ANKRD17: variants seen among roughly 807,000 people sequenced by gnomAD.
The protein encoded by ANKRD17 is ankyrin repeat domain-containing protein 17.
Under a neutral mutation model 229.7 loss-of-function variants are expected in ANKRD17, and 19 were observed. That is an observed-to-expected ratio of 0.08 (90% CI 0.06 to 0.12). The LOEUF (loss-of-function observed/expected upper bound fraction) is 0.12. Among genes scored for constraint, ANKRD17 ranks in the 10% least tolerant of loss-of-function variants. The probability of loss-of-function intolerance (pLI) is 1.00; values close to 1 mark genes in which losing one functional copy is unlikely to be tolerated. For missense variants in ANKRD17, 2,176 were observed against 3,176.8 expected, an observed-to-expected ratio of 0.68 and a Z score of 7.57; for synonymous variants, 1,112 against 1,146.1, an observed-to-expected ratio of 0.97 and a Z score of 0.60.
Position 73,161,138 on chromosome 4 carries a change from G to T in ANKRD17, c.704+54C>A, listed in dbSNP as rs929320437. 3.8e-6 allele frequency: 6 copies of T among 1,588,574 alleles called. No homozygotes were observed. The African/African-American group carries it at 8.1e-5, about 21-fold the overall frequency. On this transcript the variant is annotated intron_variant, in intron 3 of 33. Coordinates refer to ENST00000358602, the MANE Select transcript of ANKRD17 (RefSeq NM_032217.5). ...AATGCTCAGTAAATGTTAGCTATTT[G>T]TTATTATTTTTAAGAAAATGATTTC...
chr4:73,125,870 A>G (rs906064048), intron 16 of ANKRD17, among the ~76,000 whole-genome samples: 1 of 152,212 alleles, frequency 6.6e-6, no homozygotes, highest in Non-Finnish European at 1.5e-5. Context: ...TGATTGAAAG[A>G]AATACTGTGG....
At chr4:73,147,496 T>A in intron 8 of ANKRD17, 64 bp from the exon 9 acceptor site, 1 of 1,271,454 alleles carries the variant, frequency 7.9e-7, no homozygotes, top group Non-Finnish European at 1.0e-6. Context: ...ATGAAAAACA[T>A]GATTGTTTCT....
chr4:73,137,255 G>C (rs1578159581), intron 15 of ANKRD17, among the ~76,000 whole-genome samples: 2 of 152,062 alleles, frequency 1.3e-5, no homozygotes, highest in Non-Finnish European at 2.9e-5. Context: ...CATCAGAAAA[G>C]TTTTAATGTC....
intron 1 of ANKRD17, among the ~76,000 whole-genome samples, chr4:73,191,971 A>G (rs779717821): frequency 1.8e-4 from 28 of 152,232 alleles, no homozygotes; most frequent in Non-Finnish European, 3.2e-4. Flanking sequence ...TAACCCATAT[A>G]TCCATCAATA....
At chr4:73,081,284 G>A (rs930126078) in intron 30 of ANKRD17, among the ~76,000 whole-genome samples, 1 of 152,184 alleles carries the variant, frequency 6.6e-6, no homozygotes, top group African/African-American at 2.4e-5. Context: ...TTATGAAGAA[G>A]TTTAGGTGTA....
intron 2 of ANKRD17, among the ~76,000 whole-genome samples, chr4:73,170,682 C>T (rs1027146765): frequency 6.6e-6 from 1 of 152,076 alleles, no homozygotes; most frequent in Non-Finnish European, 1.5e-5. Flanking sequence ...CAGCTTTCAT[C>T]ACAAGCTGAC....
intron 10 of ANKRD17, among the ~76,000 whole-genome samples, chr4:73,146,175 A>T (rs1056677134): frequency 1.2e-4 from 19 of 152,112 alleles, no homozygotes; most frequent in Admixed American, 1.2e-3. Context: ...CAACACTGCC[A>T]TATCTATCTT....
At chr4:73,142,212 C>T (rs1212248140) in intron 13 of ANKRD17, 30 bp downstream of exon 13, 3 of 1,514,306 alleles carry the variant, frequency 2.0e-6, no homozygotes, top group Non-Finnish European at 1.8e-6. Context: ...GAAGACATAC[C>T]ATAAAATGCT....
chr4:73,200,558 G>A lies in ANKRD17; in HGVS notation c.394-23025C>T, dbSNP rs190548789. Among the ~76,000 whole-genome samples the A allele has an allele frequency of 1.1e-3, 163 of 152,054 alleles. 2 individuals are homozygous for A. Among genetic ancestry groups the A allele is most frequent in the African/African-American group, 3.6e-3 (149 of 41,484 alleles). On this transcript the variant is annotated intron_variant, in intron 1 of 33. Transcript: ENST00000358602. ...CCAGGTGATACTAATACCAGGTGAA[G>A]GTTAAACCACTGCTTAAAAGATTAA...
At chr4:73,195,797 G>A (rs997330028) in intron 1 of ANKRD17, among the ~76,000 whole-genome samples, 8 of 152,070 alleles carry the variant, frequency 5.3e-5, no homozygotes, top group Admixed American at 4.6e-4. Flanking sequence ...ATGAGCCACC[G>A]TGCCCAGCCT....
At chr4:73,122,191 G>A (rs1016362269) in intron 18 of ANKRD17, among the ~76,000 whole-genome samples, 1 of 152,098 alleles carries the variant, frequency 6.6e-6, no homozygotes, top group African/African-American at 2.4e-5. Context: ...ATTTTCACAA[G>A]ATTATGAAAA....
intron 8 of ANKRD17, 53 bp from the exon 9 acceptor site, chr4:73,147,485 T>C: frequency 1.5e-6 from 2 of 1,320,876 alleles, no homozygotes; most frequent in Non-Finnish European, 1.0e-6. Context: ...ATTCCAGAGA[T>C]ATGAAAAACA....
At position 73,139,825 on chromosome 4, in the gene ANKRD17, G is replaced by T. The variant is rs1054818093; in HGVS notation, c.2791C>A (p.Gln931Lys). The T allele has an allele frequency of 1.2e-6, 2 of 1,614,228 alleles. No individual in the cohort carries two copies. The highest frequency in any genetic ancestry group is 1.7e-6 in the Non-Finnish European group (2 of 1,180,036). ...TCTTTAAGTAAAACAGGATCCACTT[G>T]CTGTAACCGTGCATAGTCTCCCTCA... ...LSEGDYARLQQVDPVLLKDEP... is the reference protein window; with the variant it reads ...LSEGDYARLQKVDPVLLKDEP... Residue 931 changes from glutamine (Q) to lysine (K), a missense_variant, in exon 15 of 34, where the codon CAA (glutamine) becomes AAA (lysine). Physicochemically the swap from Gln to Lys is moderately conservative, Grantham distance 53. Coordinates refer to ENST00000358602, the MANE Select transcript of ANKRD17 (RefSeq NM_032217.5).
At chr4:73,171,397 A>G (rs1404877203) in intron 2 of ANKRD17, among the ~76,000 whole-genome samples, 2 of 152,196 alleles carry the variant, frequency 1.3e-5, no homozygotes, top group Non-Finnish European at 2.9e-5. Context: ...GGCTTAGATC[A>G]CAATACCCAA....
At chr4:73,229,142 G>C (rs1181626367) in intron 1 of ANKRD17, among the ~76,000 whole-genome samples, 1 of 152,104 alleles carries the variant, frequency 6.6e-6, no homozygotes, top group Admixed American at 6.6e-5. Flanking sequence ...GTGGGGTAGG[G>C]GGAGGGAGGA....
At position 73,120,149 on chromosome 4, in the gene ANKRD17, G is replaced by A; in HGVS notation, c.4025+13C>T. 1.2e-6 allele frequency: 2 copies of A among 1,612,636 alleles called. No individual in the cohort carries two copies. Among genetic ancestry groups the A allele is most frequent in the Non-Finnish European group, 1.7e-6 (2 of 1,178,792 alleles). ...ACTTGTGTTCATATATGAAGGGTAT[G>A]GTAACAACATACCTGCCAATAAGAA... On this transcript the variant is annotated intron_variant, in intron 21 of 33. Transcript: ENST00000358602.
chr4:73,170,230 G>A (rs970167716), intron 2 of ANKRD17, among the ~76,000 whole-genome samples: 1 of 151,944 alleles, frequency 6.6e-6, no homozygotes, highest in Admixed American at 6.5e-5. Flanking sequence ...TTGGATACAA[G>A]CTTAGCCACA....
chr4:73,081,017 C>A (rs1262641682), intron 30 of ANKRD17, among the ~76,000 whole-genome samples: 1 of 152,246 alleles, frequency 6.6e-6, no homozygotes, highest in Non-Finnish European at 1.5e-5. Context: ...ACTCTCTGCA[C>A]AGATTCTGCC....
At chr4:73,155,549 CACTAA>C in intron 5 of ANKRD17, 77 bp downstream of exon 5, 1 of 1,505,980 alleles carries the variant, frequency 6.6e-7, no homozygotes, top group East Asian at 2.3e-5. Context: ...GAAAAATTAG[CACTAA>C]ACATCACTTT....
Sources: allele counts gnomAD v4.1 joint callset (sites outside exome capture counted in the v4.1 genomes callset), GRCh38; gene constraint gnomAD v4.1.1; transcripts MANE v1.5; gene names NCBI Gene and HGNC (gene_info 2026-07-23, HGNC 2026-07-21).